Variants in TBL1X observed in about 807,000 individuals in gnomAD.
The protein encoded by TBL1X is transducin beta like 1 X-linked.
TBL1X carries 10 observed loss-of-function variants against 50.7 expected under a neutral mutation model. The ratio of observed to expected loss-of-function variants is 0.20; its 90% CI spans 0.12 to 0.33. The LOEUF is 0.33. TBL1X is among the 10% of genes least tolerant of loss of function. The pLI is 1.00. For synonymous variants in TBL1X, 190 were observed against 214.7 expected (o/e 0.88, Z 1.01); for missense variants, 340 against 504.4 (o/e 0.67, Z 3.12).
intron 1 of TBL1X, among the ~76,000 whole-genome samples, chrX:9,467,976 C>G (rs1037422364): frequency 2.7e-5 from 3 of 112,589 alleles, no homozygotes; most frequent in African/African-American, 9.7e-5. Context: ...GCCTGCGCCT[C>G]CCAAGCTGGC....
chrX:9,508,381 C>T (rs2082036725), intron 2 of TBL1X, among the ~76,000 whole-genome samples: 1 of 112,344 alleles, frequency 8.9e-6, no homozygotes, highest in South Asian at 3.7e-4. Context: ...ATCAAAACCT[C>T]AATGAGATAC....
intron 5 of TBL1X, among the ~76,000 whole-genome samples, chrX:9,657,675 T>C (rs1346849854): frequency 8.9e-6 from 1 of 112,707 alleles, no homozygotes; most frequent in African/African-American, 3.2e-5. Flanking sequence ...TGGATTTTCA[T>C]TGTTGCCCTT....
At chrX:9,712,171 C>T (rs1482242797) in intron 16 of TBL1X, among the ~76,000 whole-genome samples, 1 of 112,665 alleles carries the variant, frequency 8.9e-6, no homozygotes, top group Non-Finnish European at 1.9e-5. Context: ...TCTCTAGATA[C>T]TGAGGTTAGA....
intron 2 of TBL1X, among the ~76,000 whole-genome samples, chrX:9,584,675 A>G (rs750349940): frequency 8.9e-6 from 1 of 112,510 alleles, no homozygotes; most frequent in South Asian, 3.7e-4. Flanking sequence ...GAATGTGTAT[A>G]CTTGGTAAAA....
intron 1 of TBL1X, among the ~76,000 whole-genome samples, chrX:9,491,013 C>CT (rs1269253893): frequency 1.8e-5 from 2 of 109,286 alleles, no homozygotes; most frequent in East Asian, 5.7e-4. Flanking sequence ...GGATCTCACT[C>CT]TATCACCCAG....
intron 5 of TBL1X, among the ~76,000 whole-genome samples, chrX:9,671,865 A>G (rs953767509): frequency 8.0e-5 from 9 of 112,567 alleles, no homozygotes; most frequent in Non-Finnish European, 1.5e-4. Context: ...GATTATAACC[A>G]TTTACAGTAG....
intron 11 of TBL1X, among the ~76,000 whole-genome samples, chrX:9,694,322 G>A (rs150463022): frequency 5.4e-4 from 60 of 111,458 alleles, no homozygotes; most frequent in Non-Finnish European, 1.0e-3. Context: ...GAGGATGCTC[G>A]GGCCTCCACA....
At chrX:9,484,042 A>C (rs931012913) in intron 1 of TBL1X, among the ~76,000 whole-genome samples, 1 of 112,295 alleles carries the variant, frequency 8.9e-6, no homozygotes, top group Non-Finnish European at 1.9e-5. Context: ...GTTTGTTTAC[A>C]TACATTTTTT....
intron 2 of TBL1X, among the ~76,000 whole-genome samples, chrX:9,533,394 CCTTA>C (rs1430797470): frequency 9.0e-6 from 1 of 111,690 alleles, no homozygotes; most frequent in Non-Finnish European, 1.9e-5. Context: ...TTCTTCTAGT[CCTTA>C]CTTGTGGCTA....
At chrX:9,523,227 T>C (rs59092669) in intron 2 of TBL1X, among the ~76,000 whole-genome samples, 3,022 of 112,085 alleles carry the variant, frequency 0.027, 114 homozygotes, top group African/African-American at 0.094. Flanking sequence ...CCTTTCACCC[T>C]GATCACCGCA....
chrX:9,606,278 GTCTC>G (rs1369563555), intron 2 of TBL1X, among the ~76,000 whole-genome samples: 3 of 112,044 alleles, frequency 2.7e-5, no homozygotes, highest in Admixed American at 9.4e-5. Flanking sequence ...TGCCTGTCAC[GTCTC>G]TCTTTGTCTT....
intron 12 of TBL1X, among the ~76,000 whole-genome samples, chrX:9,698,328 T>C (rs1393807478): frequency 9.0e-6 from 1 of 110,948 alleles, no homozygotes; most frequent in Non-Finnish European, 1.9e-5. Flanking sequence ...ACTCCCAGGA[T>C]TGGTGGTTTG....
At chrX:9,714,768 C>T (rs2083268053) in intron 16 of TBL1X, 134 bp from the exon 17 acceptor site, 1 of 638,573 alleles carries the variant, frequency 1.6e-6, no homozygotes, top group Non-Finnish European at 2.5e-6. Context: ...AGAGTCCTTA[C>T]TGAAAACCCT....
At chrX:9,612,005 C>G (rs2082616084) in intron 2 of TBL1X, among the ~76,000 whole-genome samples, 1 of 112,903 alleles carries the variant, frequency 8.9e-6, no homozygotes, top group Non-Finnish European at 1.9e-5. Context: ...ACACAAGCTG[C>G]CTTTCGATCG....
At chrX:9,523,798 G>A (rs779240215) in intron 2 of TBL1X, among the ~76,000 whole-genome samples, 2 of 111,302 alleles carry the variant, frequency 1.8e-5, no homozygotes, top group African/African-American at 3.3e-5. Context: ...GAGTGAAGCC[G>A]CAGAGGTCTC....
At chrX:9,581,437 C>T (rs923703472) in intron 2 of TBL1X, among the ~76,000 whole-genome samples, 1 of 111,791 alleles carries the variant, frequency 8.9e-6, no homozygotes, top group African/African-American at 3.3e-5. Flanking sequence ...CAGCAAGGAG[C>T]TTTCTAGGGC....
At chrX:9,705,171 G>A (rs2083199240) in intron 13 of TBL1X, 57 bp downstream of exon 13, 24 of 1,204,271 alleles carry the variant, frequency 2.0e-5, no homozygotes, top group Admixed American at 4.4e-5. Context: ...TGTGGGAGCC[G>A]ATTCTTGTGT....
At chrX:9,681,697 C>T (rs1224488346) in intron 5 of TBL1X, among the ~76,000 whole-genome samples, 1 of 112,534 alleles carries the variant, frequency 8.9e-6, no homozygotes, top group East Asian at 2.8e-4. Flanking sequence ...TGTCAGGTGC[C>T]GTCATCAGCA....
At chrX:9,474,068 T>C (rs1288987707) in intron 1 of TBL1X, among the ~76,000 whole-genome samples, 1 of 112,646 alleles carries the variant, frequency 8.9e-6, no homozygotes, top group Admixed American at 9.4e-5. Flanking sequence ...AAAAGGGTCT[T>C]AGTGAGTTTC....
Sources: allele counts gnomAD v4.1 joint callset (sites outside exome capture counted in the v4.1 genomes callset), GRCh38; gene constraint gnomAD v4.1.1; transcripts MANE v1.5; gene names NCBI Gene and HGNC (gene_info 2026-07-23, HGNC 2026-07-21).